Variants in DTNA observed in about 807,000 individuals in gnomAD.
DTNA encodes dystrophin-related protein 3.
Under a neutral mutation model 100.7 loss-of-function variants are expected in DTNA, and 43 were observed. The observed-to-expected ratio is 0.43, with a 90% CI of 0.33 to 0.55. The LOEUF (loss-of-function observed/expected upper bound fraction) is 0.55. Ranked by LOEUF, DTNA falls within the 20% of genes least tolerant of loss-of-function variation. DTNA has a pLI of 0.04. For synonymous variants in DTNA, 349 were observed against 347.9 expected (o/e 1.00, Z -0.04); for missense variants, 798 against 953.9 (o/e 0.84, Z 2.15).
At chr18:34,856,409 C>A (rs2096553247) in intron 15 of DTNA, among the ~76,000 whole-genome samples, 1 of 152,226 alleles carries the variant, frequency 6.6e-6, no homozygotes, top group African/African-American at 2.4e-5. Context: ...CCAGGTAACA[C>A]ACAGACATTT....
chr18:34,754,666 A>T (rs369114975), intron 1 of DTNA, among the ~76,000 whole-genome samples: 53 of 152,270 alleles, frequency 3.5e-4, no homozygotes, highest in Middle Eastern at 6.8e-3. Context: ...GTGTATATTT[A>T]TGGGGTACAA....
intron 7 of DTNA, chr18:34,817,835 C>T: frequency 3.0e-6 from 2 of 674,718 alleles, no homozygotes; most frequent in Non-Finnish European, 4.2e-6. Flanking sequence ...AGACAGAGAG[C>T]AGTTTGGGGT....
rs779045040 is a variant in DTNA at position 34,877,730 on chromosome 18, A to G, written c.1915A>G (p.Asn639Asp). ...CTTCTTCCCTGAAGGTTCAAGAAGA[A>G]ACTTAAGGAATGACTTGCTAGTGGC... Reference protein sequence around the residue: ...QEAFAQSSRRNLRNDLLVAAD... With the variant: ...QEAFAQSSRRDLRNDLLVAAD... The change falls in exon 19 of 23, where the codon AAC (asparagine) becomes GAC (aspartate). Residue 639 changes from asparagine (N) to aspartate (D), a missense_variant. By Grantham distance (23) the Asn-to-Asp change is conservative (BLOSUM62 1). Coordinates refer to ENST00000444659, the MANE Select transcript of DTNA (RefSeq NM_001386795.1). 2.0e-5 allele frequency: 32 copies of G among 1,613,664 alleles called. No homozygotes were observed. Among genetic ancestry groups the G allele is most frequent in the Non-Finnish European group, 2.5e-5 (30 of 1,179,860 alleles).
chr18:34,674,838 A>G (rs1038756866), intron 1 of DTNA, among the ~76,000 whole-genome samples: 2 of 152,226 alleles, frequency 1.3e-5, no homozygotes, highest in South Asian at 4.1e-4. Flanking sequence ...TAAAGGGATA[A>G]GAAAATTCAT....
chr18:34,889,195 C>T lies in DTNA; in HGVS notation c.*1461C>T, dbSNP rs2096948888. 2 of 985,278 alleles carry T rather than the reference C, an allele frequency of 2.0e-6. No individual in the cohort carries two copies. Among genetic ancestry groups the T allele is most frequent in the South Asian group, 4.7e-5 (1 of 21,286 alleles). 61.0% of individuals were successfully genotyped at this position (985,278 alleles called of 1,614,324 possible). A position where few individuals can be genotyped will look rare whatever the true frequency, so the allele number is the denominator to read the frequency against. On this transcript the variant is annotated 3_prime_UTR_variant, in exon 23 of 23. Transcript: ENST00000444659. ...TTAAATTAGCAGTTTCTCTGGAATT[C>T]CTGTCTCTCCTTTAAAAGAAAGGAG...
rs542933537 is a variant in DTNA at position 34,652,155 on chromosome 18, C to T, written c.-1-103821C>T. On this transcript the variant is annotated intron_variant, in intron 1 of 19. Coordinates refer to the DTNA transcript ENST00000283365. ...AAAAGAAACCACAAAACAGCAACAA[C>T]GAAAACTGAGACCTGAAGGTGAGTA... 6.8e-5 allele frequency among the ~76,000 whole-genome samples: 10 copies of T among 147,250 alleles called. No homozygotes were observed. The East Asian group carries it at 1.4e-3, about 21-fold the overall frequency.
intron 11 of DTNA, among the ~76,000 whole-genome samples, chr18:34,837,493 T>C (rs1203806853): frequency 6.6e-6 from 1 of 152,222 alleles, no homozygotes; most frequent in East Asian, 1.9e-4. Context: ...GCAATGAGAC[T>C]ATATTCACTA....
At chr18:34,757,162 G>C (rs937427231) in intron 2 of DTNA, 1 of 152,190 alleles carries the variant, frequency 6.6e-6, no homozygotes, top group Non-Finnish European at 1.5e-5. Context: ...TTTTAGAGAT[G>C]TGCTTAGAGT....
At chr18:34,518,429 G>A (rs149286657) in intron 1 of DTNA, among the ~76,000 whole-genome samples, 1 of 152,122 alleles carries the variant, frequency 6.6e-6, no homozygotes, top group Non-Finnish European at 1.5e-5. Context: ...TTTTGATGAG[G>A]ACCATTTGAT....
intron 1 of DTNA, among the ~76,000 whole-genome samples, chr18:34,742,970 C>T (rs2090977510): frequency 1.3e-5 from 2 of 152,074 alleles, no homozygotes; most frequent in African/African-American, 4.8e-5. Context: ...GCCTTCCCAC[C>T]AGCTATTCTT....
At chr18:34,849,477 G>A (rs1390775287) in intron 14 of DTNA, among the ~76,000 whole-genome samples, 3 of 152,144 alleles carry the variant, frequency 2.0e-5, no homozygotes, top group Non-Finnish European at 4.4e-5. Context: ...GCTTCTTTGA[G>A]TTCAGTCTCC....
chr18:34,849,034 C>T (rs573774117), intron 14 of DTNA, among the ~76,000 whole-genome samples: 9 of 152,214 alleles, frequency 5.9e-5, no homozygotes, highest in Admixed American at 2.6e-4. Flanking sequence ...GCATAATGAC[C>T]GACTGCATTA....
At chr18:34,742,308 A>G (rs2090788714) in intron 1 of DTNA, among the ~76,000 whole-genome samples, 1 of 152,184 alleles carries the variant, frequency 6.6e-6, no homozygotes, top group Admixed American at 6.5e-5. Context: ...CAGAAGTCTG[A>G]AGTGGGTCTT....
intron 19 of DTNA, 63 bp from the exon 20 acceptor site, chr18:34,879,488 T>C: frequency 6.4e-7 from 1 of 1,561,780 alleles, no homozygotes. Flanking sequence ...GCCTACTCCT[T>C]TATTTGCAGG....
At chr18:34,603,737 G>A (rs1395706572) in intron 1 of DTNA, among the ~76,000 whole-genome samples, 1 of 152,072 alleles carries the variant, frequency 6.6e-6, no homozygotes, top group Admixed American at 6.6e-5. Context: ...ATCTAAAACT[G>A]TTATTTCATT....
At chr18:34,823,872 A>G (rs1394128156) in intron 9 of DTNA, among the ~76,000 whole-genome samples, 5 of 152,208 alleles carry the variant, frequency 3.3e-5, no homozygotes, top group African/African-American at 4.8e-5. Context: ...AGCATTGGCA[A>G]TATTGATGGG....
At chr18:34,698,398 C>T (rs948432799) in intron 1 of DTNA, among the ~76,000 whole-genome samples, 2 of 152,222 alleles carry the variant, frequency 1.3e-5, no homozygotes, top group Non-Finnish European at 2.9e-5. Context: ...CCCCCCTTGC[C>T]TCTTCCTAGC....
intron 1 of DTNA, among the ~76,000 whole-genome samples, chr18:34,728,462 C>A (rs1257920214): frequency 6.6e-6 from 1 of 151,788 alleles, no homozygotes; most frequent in Admixed American, 6.6e-5. Flanking sequence ...TAAAATTTCC[C>A]CACCTAAAAT....
At chr18:34,745,965 C>G (rs760505548) in intron 1 of DTNA, among the ~76,000 whole-genome samples, 13 of 152,136 alleles carry the variant, frequency 8.5e-5, no homozygotes, top group Non-Finnish European at 1.3e-4. Flanking sequence ...ACCTCCTTGT[C>G]CTGTTGCAGC....
Sources: allele counts gnomAD v4.1 joint callset (sites outside exome capture counted in the v4.1 genomes callset), GRCh38; gene constraint gnomAD v4.1.1; transcripts MANE v1.5; gene names NCBI Gene and HGNC (gene_info 2026-07-23, HGNC 2026-07-21).